The following DNAH9 variants were observed in gnomAD, a reference collection of about 807,000 sequenced individuals.
DNAH9 encodes the protein dynein axonemal heavy chain 9, also known as DNAH9 variant protein.
DNAH9 carries 345 observed loss-of-function variants against 471.6 expected under a neutral mutation model. The ratio of observed to expected loss-of-function variants is 0.73; its 90% CI spans 0.67 to 0.80. The LOEUF (loss-of-function observed/expected upper bound fraction) is 0.80. Among genes scored for constraint, DNAH9 ranks in the 30% least tolerant of loss-of-function variants. DNAH9 has a pLI of 0.00. For synonymous variants in DNAH9, 2,093 were observed against 2,123.6 expected (o/e 0.99, Z 0.40); for missense variants, 5,407 against 5,609.2 (o/e 0.96, Z 1.15).
In DNAH9 at chr17:11,887,095, A is replaced by G. The variant is rs1597790640; in HGVS notation, c.11112+130A>G. 2.4e-6 allele frequency: 3 copies of G among 1,242,998 alleles called. No homozygotes were observed. In the East Asian group the frequency reaches 7.6e-5, roughly 32 times the overall value. 77.0% of individuals were successfully genotyped at this position (1,242,998 alleles called of 1,614,324 possible). A position where few individuals can be genotyped will look rare whatever the true frequency, so the allele number is the denominator to read the frequency against. On this transcript the variant is annotated intron_variant, in intron 57 of 68. Coordinates refer to ENST00000262442, the MANE Select transcript of DNAH9 (RefSeq NM_001372.4). ...AAGTCTGTAAGATCAAAGCCAGGAGAGGAGCTATGTTACCTTCAGACATCT... is the reference window on the plus strand; with the variant it reads ...AAGTCTGTAAGATCAAAGCCAGGAGGGGAGCTATGTTACCTTCAGACATCT...
chr17:11,940,207 C>T (rs1224135646), intron 66 of DNAH9, among the ~76,000 whole-genome samples: 1 of 152,238 alleles, frequency 6.6e-6, no homozygotes, highest in African/African-American at 2.4e-5. Context: ...CTCCTCCTAT[C>T]TGAAAGAGTC....
At chr17:11,762,758 G>GGTTT (rs1555584554) in intron 35 of DNAH9, among the ~76,000 whole-genome samples, 2 of 94,790 alleles carry the variant, frequency 2.1e-5, no homozygotes, top group Non-Finnish European at 4.3e-5. Context: ...CTTTAGGTGC[G>GGTTT]TTTTTTTTTT....
At chr17:11,725,696 G>A (rs894352049) in intron 27 of DNAH9, among the ~76,000 whole-genome samples, 4 of 151,892 alleles carry the variant, frequency 2.6e-5, no homozygotes, top group Non-Finnish European at 5.9e-5. Flanking sequence ...GTGAAACCCC[G>A]TCTCCACTAA....
At chr17:11,872,764 C>CA (rs561258887) in intron 52 of DNAH9, among the ~76,000 whole-genome samples, 1 of 152,014 alleles carries the variant, frequency 6.6e-6, no homozygotes, top group Admixed American at 6.6e-5. Context: ...ACTAAAAATA[C>CA]AAAAAATTAG....
chr17:11,635,979 GTTTT>G (rs1033651606), intron 8 of DNAH9, among the ~76,000 whole-genome samples: 4 of 132,638 alleles, frequency 3.0e-5, no homozygotes, highest in African/African-American at 8.0e-5. Context: ...TCTAGGTTTT[GTTTT>G]TTTTGTTTGT....
In DNAH9 at chr17:11,822,875, T is replaced by C. The variant is rs375839641; in HGVS notation, c.9087T>C (p.Tyr3029=). 1.2e-6 allele frequency: 2 copies of C among 1,614,118 alleles called. No individual in the cohort carries two copies. Among genetic ancestry groups the C allele is most frequent in the African/African-American group, 1.3e-5 (1 of 74,952 alleles). Residue 3029 remains tyrosine, a synonymous_variant, in exon 48 of 69, where the codon TAT becomes TAC. Coordinates refer to ENST00000262442, the MANE Select transcript of DNAH9 (RefSeq NM_001372.4). ...HTSVNQTSQS[Y]LSNEQRYNYT... ...GTGTCAACCAAACATCCCAGTCTTATCTGAGCAATGAACAGCGCTACAACT... is the reference window on the plus strand; with the variant it reads ...GTGTCAACCAAACATCCCAGTCTTACCTGAGCAATGAACAGCGCTACAACT...
At chr17:11,715,955 C>G (rs920235567) in intron 26 of DNAH9, among the ~76,000 whole-genome samples, 1 of 152,148 alleles carries the variant, frequency 6.6e-6, no homozygotes, top group African/African-American at 2.4e-5. Flanking sequence ...AGCGCTCTAA[C>G]AGGACCTCAG....
intron 67 of DNAH9, among the ~76,000 whole-genome samples, chr17:11,944,459 GCA>G (rs1975046213): frequency 6.6e-6 from 1 of 152,134 alleles, no homozygotes; most frequent in South Asian, 2.1e-4. Flanking sequence ...GCTCCTAGAG[GCA>G]CAGGGCAGAG....
Position 11,810,307 on chromosome 17 carries a change from T to C in DNAH9, c.8645T>C (p.Met2882Thr), listed in dbSNP as rs779380010. ...GVKNLNTVFLMTDAQVADERF... is the reference protein window; with the variant it reads ...GVKNLNTVFLTTDAQVADERF... ...AAGAATCTCAACACAGTGTTTCTCA[T>C]GACTGATGCCCAAGTGGCTGATGAG... Residue 2882 changes from methionine to threonine, a missense_variant, in exon 45 of 69, where the codon ATG (methionine) becomes ACG (threonine). By Grantham distance (81) the Met-to-Thr change is moderately conservative (BLOSUM62 -1). Coordinates refer to ENST00000262442, the MANE Select transcript of DNAH9 (RefSeq NM_001372.4). The C allele has an allele frequency of 6.2e-7, 1 of 1,613,972 alleles. No individual in the cohort carries two copies. The highest frequency in any genetic ancestry group is 8.5e-7 in the Non-Finnish European group (1 of 1,179,930).
At chr17:11,857,252 T>A (rs1427578192) in intron 50 of DNAH9, among the ~76,000 whole-genome samples, 1 of 152,212 alleles carries the variant, frequency 6.6e-6, no homozygotes, top group Non-Finnish European at 1.5e-5. Context: ...AAGAATATTT[T>A]AAAATTCCTT....
At chr17:11,912,140 C>G (rs1325380350) in intron 61 of DNAH9, among the ~76,000 whole-genome samples, 1 of 152,114 alleles carries the variant, frequency 6.6e-6, no homozygotes, top group Non-Finnish European at 1.5e-5. Flanking sequence ...GCCTCAGCCT[C>G]CCGAGTAGCT....
chr17:11,852,793 T>G, intron 49 of DNAH9, among the ~76,000 whole-genome samples: 1 of 124,482 alleles, frequency 8.0e-6, no homozygotes, highest in East Asian at 2.3e-4. Context: ...AAGAGATATA[T>G]ATAAGAAAGT....
intron 49 of DNAH9, among the ~76,000 whole-genome samples, chr17:11,836,907 A>T (rs1363433376): frequency 1.3e-5 from 2 of 152,260 alleles, no homozygotes; most frequent in African/African-American, 4.8e-5. Context: ...TAGTTGCACT[A>T]CTTAGTAACT....
chr17:11,755,628 A>C (rs554955755), intron 33 of DNAH9, among the ~76,000 whole-genome samples: 1 of 146,410 alleles, frequency 6.8e-6, no homozygotes, highest in East Asian at 2.1e-4. Flanking sequence ...TAGTTCATTC[A>C]AATCACCAAC....
In DNAH9 at chr17:11,626,071, G is replaced by A. The variant is rs771597659; in HGVS notation, c.1351-3346G>A. On this transcript the variant is annotated intron_variant, in intron 6 of 68. Transcript: ENST00000262442. The surrounding 1 kb of genome is among the most constrained non-coding windows in gnomAD (Gnocchi z 4.3). ...TAGTAAATGATGGAACCAGAGTTGCGTAAACTCAGGGTTTTTTGTTTGTTT... is the reference window on the plus strand; with the variant it reads ...TAGTAAATGATGGAACCAGAGTTGCATAAACTCAGGGTTTTTTGTTTGTTT... Among the ~76,000 whole-genome samples, 13 of 152,156 alleles carry A rather than the reference G, an allele frequency of 8.5e-5. No homozygotes were observed. Among genetic ancestry groups the A allele is most frequent in the Non-Finnish European group, 1.6e-4 (11 of 68,030 alleles).
intron 38 of DNAH9, among the ~76,000 whole-genome samples, chr17:11,772,239 C>A (rs1231344317): frequency 1.4e-5 from 2 of 145,920 alleles, no homozygotes; most frequent in Non-Finnish European, 3.0e-5. Context: ...ATAATTTATT[C>A]TAAAATTATT....
intron 1 of DNAH9, among the ~76,000 whole-genome samples, chr17:11,605,649 G>A (rs146584406): frequency 1.1e-4 from 16 of 150,222 alleles, no homozygotes; most frequent in South Asian, 6.3e-4. Context: ...ACAGACATGC[G>A]CCACTACAAC....
intron 28 of DNAH9, among the ~76,000 whole-genome samples, chr17:11,733,464 C>T (rs2075299194): frequency 6.6e-6 from 1 of 152,184 alleles, no homozygotes; most frequent in African/African-American, 2.4e-5. Flanking sequence ...CATCCTCATG[C>T]AAGAAATGCA....
chr17:11,905,547 C>A, intron 60 of DNAH9, 114 bp from the exon 61 acceptor site: 1 of 1,148,154 alleles, frequency 8.7e-7, no homozygotes, highest in Non-Finnish European at 1.2e-6. Context: ...CTATAACTAC[C>A]TAGCCCATGA....
Sources: gnomAD v4.1 joint callset for allele counts (sites outside exome capture counted in the v4.1 genomes callset) on GRCh38, gnomAD v4.1.1 for gene constraint, Gnocchi (gnomAD v3.1) non-coding constraint, MANE v1.5 for transcripts, NCBI Gene and HGNC (gene_info 2026-07-23, HGNC 2026-07-21) for gene names.